The following DLG2 variants were observed in gnomAD, a reference collection of about 807,000 sequenced individuals.
DLG2 encodes the protein discs large MAGUK scaffold protein 2.
In DLG2, 45 loss-of-function variants were observed where a neutral mutation model predicts 132.5. The ratio of observed to expected loss-of-function variants is 0.34; its 90% CI spans 0.27 to 0.44. The LOEUF is 0.44. DLG2 is among the 20% of genes least tolerant of loss of function. The pLI, the probability that DLG2 is intolerant of heterozygous loss-of-function variation, is 1.00. For missense variants in DLG2, 1,045 were observed against 1,196.9 expected (o/e 0.87, Z 1.87); for synonymous variants, 424 against 419.6 (o/e 1.01, Z -0.13).
At chr11:85,259,296 T>C (rs1030140579) in intron 4 of DLG2, among the ~76,000 whole-genome samples, 2 of 152,186 alleles carry the variant, frequency 1.3e-5, no homozygotes, top group Admixed American at 6.5e-5. Context: ...CATTTGAAGA[T>C]GCATCTGCTT....
At position 84,244,461 on chromosome 11, in the gene DLG2, C is replaced by T. The variant is rs369838257; in HGVS notation, c.573+6777G>A. On this transcript the variant is annotated intron_variant, in intron 8 of 27. Transcript: ENST00000376104. ...TCGGCCTCCCAAAGTGCTGGGATTA[C>T]AGGCGTGAGCCCACCTCTTGCTTAT... is the stretch of plus-strand genomic sequence containing the variant. Among the ~76,000 whole-genome samples the T allele has an allele frequency of 2.5e-4, 38 of 152,354 alleles. 3 individuals carry two copies. In the South Asian group the frequency reaches 7.5e-3, roughly 30 times the overall value.
At chr11:84,287,826 A>G (rs887101823) in intron 7 of DLG2, among the ~76,000 whole-genome samples, 1 of 151,800 alleles carries the variant, frequency 6.6e-6, no homozygotes, top group Non-Finnish European at 1.5e-5. Flanking sequence ...GGTGTCATTA[A>G]TAATGACTTT....
intron 11 of DLG2, among the ~76,000 whole-genome samples, chr11:84,050,648 T>C (rs998188049): frequency 6.6e-6 from 1 of 152,100 alleles, no homozygotes; most frequent in African/African-American, 2.4e-5. Flanking sequence ...TGTATGGTTT[T>C]AGGTCTAACA....
intron 6 of DLG2, among the ~76,000 whole-genome samples, chr11:84,580,583 A>G (rs1428559382): frequency 1.3e-5 from 2 of 152,210 alleles, no homozygotes; most frequent in Admixed American, 6.5e-5. Context: ...CACACCTCCT[A>G]GCTGCGAGTA....
chr11:83,949,416 A>G (rs1342797226), intron 14 of DLG2, among the ~76,000 whole-genome samples: 1 of 152,110 alleles, frequency 6.6e-6, no homozygotes, highest in Non-Finnish European at 1.5e-5. Flanking sequence ...AAAAAATAAG[A>G]ATTGTTGCTC....
intron 5 of DLG2, among the ~76,000 whole-genome samples, chr11:85,143,223 T>A (rs1320091100): frequency 6.6e-6 from 1 of 151,786 alleles, no homozygotes; most frequent in African/African-American, 2.4e-5. Context: ...TTCTGTCTCA[T>A]TACTTGTTAT....
intron 6 of DLG2, among the ~76,000 whole-genome samples, chr11:84,705,205 G>C (rs2059659634): frequency 6.6e-6 from 1 of 151,670 alleles, no homozygotes; most frequent in African/African-American, 2.4e-5. Context: ...TTCTAACGTA[G>C]TTGGGATGGA....
intron 2 of DLG2, among the ~76,000 whole-genome samples, chr11:85,623,693 G>A (rs529777037): frequency 2.0e-5 from 3 of 152,264 alleles, no homozygotes; most frequent in South Asian, 4.1e-4. Flanking sequence ...TAATGACAAT[G>A]AGAACAAAAA....
chr11:85,218,138 T>A (rs1054631921), intron 4 of DLG2, among the ~76,000 whole-genome samples: 14 of 152,204 alleles, frequency 9.2e-5, no homozygotes, highest in African/African-American at 3.4e-4. Flanking sequence ...TCCATTGCTC[T>A]ACGTGTCTGT....
Position 85,130,397 on chromosome 11 carries a change from T to G in DLG2, c.283-18662A>C, listed in dbSNP as rs1317745388. On this transcript the variant is annotated intron_variant, in intron 5 of 27. Coordinates refer to ENST00000376104, the MANE Select transcript of DLG2 (RefSeq NM_001142699.3). ...AGGGGAAAATGGCAGAACTCAGAGC[T>G]CACAGAGGTCTAGGAGGAGCCAAGG... Among the ~76,000 whole-genome samples, 5 of 152,060 alleles carry G rather than the reference T, an allele frequency of 3.3e-5. No homozygotes were observed. The East Asian group carries it at 9.6e-4, about 29-fold the overall frequency.
upstream of DLG2, among the ~76,000 whole-genome samples, chr11:85,628,073 C>G (rs1591430056): frequency 2.6e-5 from 4 of 152,074 alleles, no homozygotes; most frequent in South Asian, 8.3e-4. Context: ...GGACTACAGA[C>G]TGGGGAGAGG....
At chr11:84,414,983 T>C (rs1231410060) in intron 7 of DLG2, among the ~76,000 whole-genome samples, 1 of 152,194 alleles carries the variant, frequency 6.6e-6, no homozygotes, top group Admixed American at 6.5e-5. Context: ...TAATCATTTA[T>C]TTTATAAAAA....
intron 6 of DLG2, among the ~76,000 whole-genome samples, chr11:84,970,961 A>G (rs2054017368): frequency 6.6e-6 from 1 of 152,148 alleles, no homozygotes; most frequent in Admixed American, 6.5e-5. Flanking sequence ...AATATCTAAG[A>G]TGCATGAGAA....
chr11:84,890,507 G>A (rs2089189626), intron 6 of DLG2, among the ~76,000 whole-genome samples: 1 of 152,086 alleles, frequency 6.6e-6, no homozygotes, highest in African/African-American at 2.4e-5. Flanking sequence ...TCTCCCCGGA[G>A]GAGAAGAAAC....
chr11:83,595,567 T>A, intron 19 of DLG2, among the ~76,000 whole-genome samples: 1 of 152,202 alleles, frequency 6.6e-6, no homozygotes, highest in East Asian at 1.9e-4. Context: ...TTCAGGCTGA[T>A]TTGCTGTAGG....
intron 6 of DLG2, among the ~76,000 whole-genome samples, chr11:84,909,044 A>G (rs1213459244): frequency 3.3e-5 from 5 of 151,980 alleles, no homozygotes; most frequent in Admixed American, 1.3e-4. Flanking sequence ...ACTTGTTCAC[A>G]TGTAATTCCA....
At chr11:83,857,950 A>G (rs1222626557) in intron 16 of DLG2, among the ~76,000 whole-genome samples, 1 of 152,180 alleles carries the variant, frequency 6.6e-6, no homozygotes. Flanking sequence ...AAAGAATATG[A>G]TCAATGAATC....
intron 3 of DLG2, among the ~76,000 whole-genome samples, chr11:85,587,139 T>A (rs1432124646): frequency 5.3e-5 from 8 of 152,186 alleles, no homozygotes; most frequent in Non-Finnish European, 1.2e-4. Flanking sequence ...TCTTGGAGAA[T>A]GTTCCATGTG....
chr11:83,520,639 GTAGATAGATAGATAGA>G lies in DLG2; in HGVS notation c.2193+12053_2193+12068del, dbSNP rs71066046. Among the ~76,000 whole-genome samples the G allele has an allele frequency of 4.7e-5, 7 of 148,068 alleles. 1 individual carries two copies. Among genetic ancestry groups the G allele is most frequent in the African/African-American group, 1.7e-4 (7 of 40,138 alleles). On this transcript the variant is annotated intron_variant, in intron 21 of 27. Coordinates refer to ENST00000376104, the MANE Select transcript of DLG2 (RefSeq NM_001142699.3). The stretch of plus-strand genomic sequence containing the variant: ...GACAGGTAGGTAGATAGGTAGGTAG[GTAGATAGATAGATAGA>G]TAGATAGATAGAAAGAAAGACAGAC...
Sources: gnomAD v4.1 joint callset for allele counts (sites outside exome capture counted in the v4.1 genomes callset) on GRCh38, gnomAD v4.1.1 for gene constraint, MANE v1.5 for transcripts, NCBI Gene and HGNC (gene_info 2026-07-23, HGNC 2026-07-21) for gene names.